The following COL4A3 variants were observed in gnomAD, a reference collection of about 807,000 sequenced individuals.
COL4A3 encodes the protein collagen alpha-3(IV) chain.
In COL4A3, 135 loss-of-function variants were observed where a neutral mutation model predicts 217.4. The observed-to-expected ratio is 0.62, with a 90% CI of 0.54 to 0.72. The LOEUF (loss-of-function observed/expected upper bound fraction) is 0.72. COL4A3 is among the 30% of genes least tolerant of loss of function. The pLI, the probability that COL4A3 is intolerant of heterozygous loss-of-function variation, is 0.00. For synonymous variants in COL4A3, 690 were observed against 736.3 expected (o/e 0.94, Z 1.02); for missense variants, 1,868 against 2,119.9 (o/e 0.88, Z 2.33).
rs56065709 is a variant in COL4A3, at chr2:227,302,677, CAAAAAAAAAAAAAA to C, written c.3883-345_3883-332del. Among the ~76,000 whole-genome samples, 234 of 79,902 alleles carry C rather than the reference CAAAAAAAAAAAAAA, an allele frequency of 2.9e-3. 4 individuals carry two copies. The highest frequency in any genetic ancestry group is 8.7e-3 in the African/African-American group (133 of 15,336). The allele number at this position is 79,902 out of a possible 152,430, so 52.4% of individuals were successfully genotyped here. A position where few individuals can be genotyped will look rare whatever the true frequency, so the allele number is the denominator to read the frequency against. ...GGAGGACAAAACGAGACTCTTTCTC[CAAAAAAAAAAAAAA>C]AAAAAAAAAAAAAAATCATTCTGGC... is the stretch of plus-strand genomic sequence containing the variant. On this transcript the variant is annotated intron_variant, in intron 43 of 51. Transcript: ENST00000396578.
At chr2:227,197,194 C>T (rs555948556) in intron 1 of COL4A3, among the ~76,000 whole-genome samples, 17 of 151,842 alleles carry the variant, frequency 1.1e-4, no homozygotes, top group East Asian at 3.9e-4. Context: ...GTTTTGGGTA[C>T]GGTTTTTTTG....
At chr2:227,269,765 T>C in intron 23 of COL4A3, 145 bp from the exon 24 acceptor site, 1 of 684,762 alleles carries the variant, frequency 1.5e-6, no homozygotes, top group South Asian at 1.6e-5. Flanking sequence ...TTACTCCCAT[T>C]CTCTTATTGC....
rs781635651 is a variant in COL4A3 at position 227,280,588 on chromosome 2, G to A, written c.2372G>A (p.Arg791Gln). ...GGAAATGAAGGGCTTGATGGACCAC[G>A]AGGTACAATAGCAAGTGTCATTACT... ...TPGNEGLDGP[R>Q]GDPGQPGPPG... is the part of the protein sequence containing the mutation. Residue 791 changes from arginine (R) to glutamine (Q), a missense_variant and splice_region_variant, in exon 30 of 52, where the codon CGA becomes CAA. Arg to Gln is a conservative substitution (Grantham distance 43). Around this residue, in one of 2 missense-constraint regions of COL4A3, gnomAD observed 1,503 missense variants for 1,786.1 expected, o/e 0.84. Coordinates refer to ENST00000396578, the MANE Select transcript of COL4A3 (RefSeq NM_000091.5). The A allele has an allele frequency of 9.3e-6, 15 of 1,613,924 alleles. No individual in the cohort carries two copies. The highest frequency in any genetic ancestry group is 1.3e-5 in the African/African-American group (1 of 74,906).
At chr2:227,174,433 T>C (rs943088965) in intron 1 of COL4A3, among the ~76,000 whole-genome samples, 1 of 152,202 alleles carries the variant, frequency 6.6e-6, no homozygotes, top group Non-Finnish European at 1.5e-5. Flanking sequence ...AACATATTTA[T>C]AGCAGACAGA....
At chr2:227,187,916 T>A (rs1460979797) in intron 1 of COL4A3, among the ~76,000 whole-genome samples, 1 of 152,180 alleles carries the variant, frequency 6.6e-6, no homozygotes, top group Non-Finnish European at 1.5e-5. Context: ...GATCACTTCA[T>A]GTTTGTCTCG....
chr2:227,311,547 T>C (rs2073741564), intron 51 of COL4A3, among the ~76,000 whole-genome samples: 1 of 152,068 alleles, frequency 6.6e-6, no homozygotes, highest in Admixed American at 6.6e-5. Context: ...ACCCATCTCA[T>C]TTTTGTATTT....
At chr2:227,281,560 A>C (rs934136910) in intron 31 of COL4A3, 1 of 155,134 alleles carries the variant, frequency 6.4e-6, no homozygotes, top group African/African-American at 2.4e-5. Flanking sequence ...GATCTGATGA[A>C]CTGTTCCTGG....
At chr2:227,227,617 C>T (rs1166857440) in intron 1 of COL4A3, among the ~76,000 whole-genome samples, 4 of 152,094 alleles carry the variant, frequency 2.6e-5, no homozygotes, top group East Asian at 1.9e-4. Flanking sequence ...TTCAGATCCC[C>T]ACTCCCCATG....
chr2:227,260,800 C>T (rs774222136), intron 19 of COL4A3, among the ~76,000 whole-genome samples: 6 of 152,160 alleles, frequency 3.9e-5, no homozygotes, highest in South Asian at 2.1e-4. Context: ...GTCTACACTT[C>T]CAGCAAAGTG....
chr2:227,296,072 A>C lies in COL4A3; in HGVS notation c.3565+756A>C, dbSNP rs188958084. On this transcript the variant is annotated intron_variant, in intron 41 of 51. Coordinates refer to ENST00000396578, the MANE Select transcript of COL4A3 (RefSeq NM_000091.5). ...GCTCTAGTTATTGATGTTCACGCAA[A>C]CCAGCAAAGAGCAGCTGGATGCCAA... 2.6e-5 allele frequency among the ~76,000 whole-genome samples: 4 copies of C among 152,330 alleles called. No homozygotes were observed. In the East Asian group the frequency reaches 7.7e-4, roughly 29 times the overall value.
At chr2:227,293,787 T>C (rs1574814749) in intron 38 of COL4A3, 1 of 471,046 alleles carries the variant, frequency 2.1e-6, no homozygotes, top group South Asian at 1.5e-5. Context: ...GCAGCGTTGG[T>C]TTCTTGTGGG....
At chr2:227,230,594 G>A (rs1420327639) in intron 1 of COL4A3, among the ~76,000 whole-genome samples, 1 of 152,050 alleles carries the variant, frequency 6.6e-6, no homozygotes, top group Admixed American at 6.5e-5. Context: ...AGTAACCATA[G>A]TGTTTCAAAA....
At chr2:227,248,659 A>G (rs1309426725) in intron 9 of COL4A3, 139 bp downstream of exon 9, 2 of 630,604 alleles carry the variant, frequency 3.2e-6, no homozygotes, top group Non-Finnish European at 5.6e-6. Flanking sequence ...AGAAATTCCT[A>G]TTTATTCTAT....
chr2:227,249,843 A>C (rs2069626558), intron 9 of COL4A3, among the ~76,000 whole-genome samples: 1 of 152,206 alleles, frequency 6.6e-6, no homozygotes, highest in Non-Finnish European at 1.5e-5. Context: ...GTAATCTGAG[A>C]TATTGATACA....
chr2:227,248,565 T>A, intron 9 of COL4A3, 45 bp downstream of exon 9: 1 of 1,056,150 alleles, frequency 9.5e-7, no homozygotes, highest in Non-Finnish European at 1.4e-6. Context: ...AGTTTTTCAC[T>A]CTCTCTCTCT....
At chr2:227,178,304 C>A (rs1475165356) in intron 1 of COL4A3, among the ~76,000 whole-genome samples, 1 of 152,078 alleles carries the variant, frequency 6.6e-6, no homozygotes, top group Non-Finnish European at 1.5e-5. Flanking sequence ...ATCGCTTGAG[C>A]CCTGCAGAGT....
At chr2:227,238,544 C>G (rs905868236) in intron 2 of COL4A3, among the ~76,000 whole-genome samples, 7 of 152,028 alleles carry the variant, frequency 4.6e-5, no homozygotes, top group Admixed American at 1.3e-4. Context: ...AAAGGAATGC[C>G]GTGAAATCTC....
chr2:227,274,562 AATCTT>A (rs2071445996), intron 26 of COL4A3, among the ~76,000 whole-genome samples: 1 of 151,218 alleles, frequency 6.6e-6, no homozygotes, highest in East Asian at 1.9e-4. Context: ...GCAATGGCGC[AATCTT>A]GGCTCACTGC....
intron 1 of COL4A3, among the ~76,000 whole-genome samples, chr2:227,169,518 G>A (rs1163558437): frequency 1.3e-5 from 2 of 151,740 alleles, no homozygotes; most frequent in East Asian, 1.9e-4. Flanking sequence ...CAGTGTAAAA[G>A]TGTTCCTATT....
Sources: gnomAD v4.1 joint callset for allele counts (sites outside exome capture counted in the v4.1 genomes callset) on GRCh38, gnomAD v4.1.1 for gene constraint, gnomAD v4.1.1 regional missense constraint, MANE v1.5 for transcripts, NCBI Gene and HGNC (gene_info 2026-07-23, HGNC 2026-07-21) for gene names.